The following VKORC1L1 variants were observed in gnomAD, a reference collection of about 807,000 sequenced individuals.
VKORC1L1 encodes vitamin K epoxide reductase complex subunit 1-like protein 1.
A neutral mutation model predicts 18.9 loss-of-function variants in VKORC1L1; 2 were observed. The observed-to-expected ratio is 0.11, with a 90% CI of 0.04 to 0.33. VKORC1L1 has a LOEUF of 0.33. VKORC1L1 is among the 10% of genes least tolerant of loss of function. VKORC1L1 has a pLI of 1.00. For synonymous variants in VKORC1L1, 96 were observed against 100.0 expected, an observed-to-expected ratio of 0.96 and a Z score of 0.24; for missense variants, 123 against 224.1, an observed-to-expected ratio of 0.55 and a Z score of 2.88.
chr7:65,954,007 C>A, intron 2 of VKORC1L1, 67 bp from the exon 3 acceptor site: 1 of 1,425,964 alleles, frequency 7.0e-7, no homozygotes, highest in Non-Finnish European at 9.6e-7. Context: ...CAGTGTTATT[C>A]CTTGTCACTC....
At chr7:65,900,204 A>G (rs1789290265) in intron 1 of VKORC1L1, among the ~76,000 whole-genome samples, 2 of 150,856 alleles carry the variant, frequency 1.3e-5, no homozygotes, top group South Asian at 4.2e-4. Context: ...CCTGGCTAAC[A>G]CGGTGAAACC....
chr7:65,949,697 T>G (rs1369774672), intron 2 of VKORC1L1, among the ~76,000 whole-genome samples: 1 of 151,498 alleles, frequency 6.6e-6, no homozygotes, highest in Non-Finnish European at 1.5e-5. Flanking sequence ...GGTGAGAGAA[T>G]CACTTGAGTC....
chr7:65,921,200 T>C (rs187900297), intron 1 of VKORC1L1, among the ~76,000 whole-genome samples: 3 of 152,336 alleles, frequency 2.0e-5, no homozygotes, highest in Admixed American at 1.3e-4. Context: ...GTAGTATTTT[T>C]AGTAGGCATT....
rs183831437 is a variant in VKORC1L1 at position 65,904,480 on chromosome 7, C to T, written c.194+30915C>T. 5.5e-3 allele frequency among the ~76,000 whole-genome samples: 843 copies of T among 152,312 alleles called. 3 individuals are homozygous for T. Among genetic ancestry groups the T allele is most frequent in the Middle Eastern group, 0.024 (7 of 294 alleles). The stretch of plus-strand genomic sequence containing the variant: ...TCAGCCTCCCAAAGTGCTGGGATTA[C>T]AGGCGTGAGCTACCGTGCCTGGCAG... On this transcript the variant is annotated intron_variant, in intron 1 of 2. Coordinates refer to ENST00000360768, the MANE Select transcript of VKORC1L1 (RefSeq NM_173517.6).
At chr7:65,934,746 G>A (rs1286828862) in intron 1 of VKORC1L1, among the ~76,000 whole-genome samples, 1 of 151,974 alleles carries the variant, frequency 6.6e-6, no homozygotes, top group Admixed American at 6.6e-5. Flanking sequence ...AAATGTTAAA[G>A]CACTTTAGAT....
chr7:65,953,348 T>C (rs1790243790), intron 2 of VKORC1L1, among the ~76,000 whole-genome samples: 1 of 152,208 alleles, frequency 6.6e-6, no homozygotes. Context: ...TTTCCACAGA[T>C]GGGCAGGATG....
At chr7:65,866,199 A>C in the VKORC1L1 span, among the ~76,000 whole-genome samples, 1 of 152,206 alleles carries the variant, frequency 6.6e-6, no homozygotes, top group Non-Finnish European at 1.5e-5. Flanking sequence ...GTTTTAGAAT[A>C]AACAGAAGTA....
chr7:65,923,065 T>C (rs1417751852), intron 1 of VKORC1L1, among the ~76,000 whole-genome samples: 2 of 152,060 alleles, frequency 1.3e-5, no homozygotes, highest in Non-Finnish European at 2.9e-5. Flanking sequence ...GGTAACTGAG[T>C]TGGAGTTATT....
intron 1 of VKORC1L1, among the ~76,000 whole-genome samples, chr7:65,900,022 CGTGTGTGCATGTGCACGCACGTGTGT>C (rs1789283658): frequency 6.9e-6 from 1 of 144,566 alleles, no homozygotes; most frequent in Non-Finnish European, 1.5e-5. Flanking sequence ...TAGCTTTGTG[CGTGTGTGCATGTGCACGCACGTGTGT>C]GTGTGTGTGT....
At chr7:65,947,413 G>GTTT (rs1417044322) in intron 1 of VKORC1L1, among the ~76,000 whole-genome samples, 1 of 141,874 alleles carries the variant, frequency 7.0e-6, no homozygotes, top group African/African-American at 2.6e-5. Flanking sequence ...CACCATAACT[G>GTTT]GTTTTTTTTT....
At chr7:65,932,847 A>G (rs959218693) in intron 1 of VKORC1L1, among the ~76,000 whole-genome samples, 3 of 152,182 alleles carry the variant, frequency 2.0e-5, no homozygotes, top group Admixed American at 1.3e-4. Context: ...TGGGAGGCCA[A>G]GGCGGGTGGA....
chr7:65,896,439 G>C (rs1789213647), intron 1 of VKORC1L1, among the ~76,000 whole-genome samples: 2 of 152,062 alleles, frequency 1.3e-5, no homozygotes, highest in African/African-American at 2.4e-5. Flanking sequence ...ATGTATGTTT[G>C]TTTAGTTTTG....
At position 65,954,469 on chromosome 7, in the gene VKORC1L1, T is replaced by C; in HGVS notation, c.*169T>C. 8.8e-7 allele frequency: 1 copy of C among 1,141,932 alleles called. No homozygotes were observed. Among genetic ancestry groups the C allele is most frequent in the Non-Finnish European group, 1.2e-6 (1 of 855,174 alleles). The allele number at this position is 1,141,932 out of a possible 1,614,324, so 70.7% of individuals were successfully genotyped here. On this transcript the variant is annotated 3_prime_UTR_variant, in exon 3 of 3. Transcript: ENST00000360768. Reference sequence around the variant, plus strand: ...AAATTAGAAGGGGCCCTCGCTATTTTCTGTGTCAGTCTTCATTTTAAATAT... The same window carrying C: ...AAATTAGAAGGGGCCCTCGCTATTTCCTGTGTCAGTCTTCATTTTAAATAT...
intron 1 of VKORC1L1, among the ~76,000 whole-genome samples, chr7:65,935,392 C>T (rs960088925): frequency 6.6e-6 from 1 of 152,006 alleles, no homozygotes; most frequent in African/African-American, 2.4e-5. Context: ...TCACTGCAAC[C>T]TCTGCCTCCC....
chr7:65,894,423 G>T (rs1789158104), intron 1 of VKORC1L1, among the ~76,000 whole-genome samples: 1 of 152,074 alleles, frequency 6.6e-6, no homozygotes, highest in Non-Finnish European at 1.5e-5. Context: ...TTTCCAAACA[G>T]AATTTTTGAA....
intron 1 of VKORC1L1, among the ~76,000 whole-genome samples, chr7:65,876,780 C>T (rs1339369199): frequency 1.3e-5 from 2 of 152,136 alleles, no homozygotes; most frequent in East Asian, 1.9e-4. Context: ...TGCAGTGGCT[C>T]ACACCTGTAA....
At chr7:65,877,020 C>G (rs1788838411) in intron 1 of VKORC1L1, among the ~76,000 whole-genome samples, 1 of 152,116 alleles carries the variant, frequency 6.6e-6, no homozygotes, top group African/African-American at 2.4e-5. Flanking sequence ...GCACTCCAGC[C>G]TGGGTGGTAG....
At chr7:65,920,342 C>T (rs758968730) in intron 1 of VKORC1L1, among the ~76,000 whole-genome samples, 1 of 152,070 alleles carries the variant, frequency 6.6e-6, no homozygotes, top group Non-Finnish European at 1.5e-5. Context: ...ATACCATGCC[C>T]GACAAATGCT....
chr7:65,940,637 A>T (rs1790018333), intron 1 of VKORC1L1, among the ~76,000 whole-genome samples: 1 of 152,196 alleles, frequency 6.6e-6, no homozygotes, highest in Non-Finnish European at 1.5e-5. Context: ...TCCAAGAGAG[A>T]TGTCTTCAGA....
Sources: allele counts gnomAD v4.1 joint callset (sites outside exome capture counted in the v4.1 genomes callset), GRCh38; gene constraint gnomAD v4.1.1; transcripts MANE v1.5; gene names NCBI Gene and HGNC (gene_info 2026-07-23, HGNC 2026-07-21).